The following JAKMIP3 variants were observed in gnomAD, a reference collection of about 807,000 sequenced individuals.
The protein encoded by JAKMIP3 is Janus kinase and microtubule interacting protein 3, also known as janus kinase and microtubule-interacting protein 3.
In JAKMIP3, 58 loss-of-function variants were observed where a neutral mutation model predicts 118.5. The ratio of observed to expected loss-of-function variants is 0.49; its 90% CI spans 0.40 to 0.61. JAKMIP3 has a LOEUF of 0.61. Ranked by LOEUF, JAKMIP3 falls within the 20% of genes least tolerant of loss-of-function variation. JAKMIP3 has a pLI of 0.00. For synonymous variants in JAKMIP3, 486 were observed against 451.2 expected (o/e 1.08, Z -0.98); for missense variants, 950 against 1,109.0 (o/e 0.86, Z 2.04).
At chr10:132,148,206 C>T (rs966198904) in intron 14 of JAKMIP3, among the ~76,000 whole-genome samples, 156 bp downstream of exon 14, 7 of 152,182 alleles carry the variant, frequency 4.6e-5, no homozygotes, top group East Asian at 1.9e-4. Context: ...GGCCGTAAAC[C>T]GCCACCTCTT....
rs1182681080 is a variant in JAKMIP3 at position 132,117,525 on chromosome 10, A to T, written c.584A>T (p.Glu195Val). Residue 195 changes from glutamate to valine, a missense_variant, in exon 3 of 24, where the codon GAG becomes GTG. By Grantham distance (121) the Glu-to-Val change is moderately radical. Coordinates refer to ENST00000684848, the MANE Select transcript of JAKMIP3 (RefSeq NM_001323087.2). This position sits in a 1 kb window ranked among gnomAD's most constrained non-coding sequence, Gnocchi z 8.6. ...CGCAGCGTGTACCACCTGCACCAGG[A>T]GGAGATCACCCGCATCAAGAAGGAG... ...EIRSVYHLHQ[E>V]EITRIKKECE... 1 of 1,597,724 alleles carries T rather than the reference A, an allele frequency of 6.3e-7. No homozygotes were observed. Among genetic ancestry groups the T allele is most frequent in the Non-Finnish European group, 8.5e-7 (1 of 1,172,270 alleles).
At chr10:132,151,488 C>A (rs2056196466) in intron 16 of JAKMIP3, among the ~76,000 whole-genome samples, 1 of 152,184 alleles carries the variant, frequency 6.6e-6, no homozygotes, top group Non-Finnish European at 1.5e-5. Flanking sequence ...GAGCTGGGGG[C>A]TCCACTGTGG....
chr10:132,065,656 A>C (rs1163862240), upstream of JAKMIP3, among the ~76,000 whole-genome samples: 1 of 152,058 alleles, frequency 6.6e-6, no homozygotes, highest in Middle Eastern at 3.2e-3. The surrounding 1 kb of genome is among the most constrained non-coding windows in gnomAD (Gnocchi z 5.6). Context: ...AATAGAGCCA[A>C]GCTGCCTTCA....
chr10:132,167,123 G>T (rs1390597725), intron 22 of JAKMIP3, 68 bp downstream of exon 22: 1 of 1,106,152 alleles, frequency 9.0e-7, no homozygotes, highest in African/African-American at 1.6e-5. Flanking sequence ...CTCTGCCCCT[G>T]CCCTGCCAGG....
rs544281174 is a variant in JAKMIP3, at chr10:132,132,464, G to A, written c.634-848G>A. Reference sequence around the variant, plus strand: ...CTGGCACATTCCTGCCCGGAAGCGGGGCGGGGTACTTGCAGGCAGCGGCTG... The same window carrying A: ...CTGGCACATTCCTGCCCGGAAGCGGAGCGGGGTACTTGCAGGCAGCGGCTG... On this transcript the variant is annotated intron_variant, in intron 3 of 23. Transcript: ENST00000684848. Among the ~76,000 whole-genome samples, 3 of 152,306 alleles carry A rather than the reference G, an allele frequency of 2.0e-5. No individual in the cohort carries two copies. In the East Asian group the frequency reaches 5.8e-4, roughly 29 times the overall value.
chr10:132,166,922 C>A, intron 21 of JAKMIP3, 61 bp from the exon 22 acceptor site: 1 of 1,248,874 alleles, frequency 8.0e-7, no homozygotes, highest in Non-Finnish European at 1.1e-6. Context: ...GCCAGAAGCA[C>A]TACAAACTCT....
chr10:132,167,896 T>A, intron 22 of JAKMIP3, 57 bp from the exon 23 acceptor site: 2 of 1,224,720 alleles, frequency 1.6e-6, no homozygotes, highest in Non-Finnish European at 2.1e-6. Flanking sequence ...CCCTCGCCCC[T>A]CACTCCAGCC....
At chr10:132,134,602 G>A (rs750269912) in intron 4 of JAKMIP3, among the ~76,000 whole-genome samples, 6 of 152,252 alleles carry the variant, frequency 3.9e-5, no homozygotes, top group African/African-American at 1.4e-4. Flanking sequence ...GAGAAATGCC[G>A]CCCCGTGGGG....
chr10:132,079,252 C>T (rs937685994), intron 1 of JAKMIP3, among the ~76,000 whole-genome samples: 3 of 147,470 alleles, frequency 2.0e-5, no homozygotes, highest in African/African-American at 7.7e-5. Flanking sequence ...GACAAATTCA[C>T]ATAGAGTTCC....
chr10:132,101,526 A>G (rs1037531402), intron 1 of JAKMIP3, among the ~76,000 whole-genome samples: 2 of 152,230 alleles, frequency 1.3e-5, no homozygotes, highest in Admixed American at 1.3e-4. Context: ...TTAAATAGCA[A>G]AACTATGGGA....
chr10:132,159,852 C>CGTG (rs1564982745), intron 19 of JAKMIP3, among the ~76,000 whole-genome samples: 44 of 65,550 alleles, frequency 6.7e-4, no homozygotes, highest in African/African-American at 2.4e-3. Context: ...GCTGGGGGGC[C>CGTG]TCTCCCTGTG....
chr10:132,068,003 G>A lies in JAKMIP3; in HGVS notation c.-138+1942G>A, dbSNP rs192641190. ...GCTTCCGTGTGGACTGTGGGCTTCT[G>A]TGTGGACTGGACTATGGGCTTCCGT... On this transcript the variant is annotated intron_variant, in intron 1 of 23. Coordinates refer to ENST00000684848, the MANE Select transcript of JAKMIP3 (RefSeq NM_001323087.2). Among the ~76,000 whole-genome samples the A allele has an allele frequency of 1.5e-3, 224 of 147,824 alleles. 1 individual carries two copies. The highest frequency in any genetic ancestry group is 2.2e-3 in the Non-Finnish European group (145 of 67,270).
At position 132,133,294 on chromosome 10, in the gene JAKMIP3, G is replaced by T. The variant is rs945019867; in HGVS notation, c.634-18G>T. ...CGTGTCCTGCCGCCTGTGTGATTGT[G>T]TTCTGTTCTCCTTGTAGATGGAGGA... On this transcript the variant is annotated intron_variant, in intron 3 of 23. Transcript: ENST00000684848. 1 of 1,553,750 alleles carries T rather than the reference G, an allele frequency of 6.4e-7. No individual in the cohort carries two copies.
At chr10:132,158,338 A>G (rs2057340731) in intron 19 of JAKMIP3, among the ~76,000 whole-genome samples, 1 of 152,146 alleles carries the variant, frequency 6.6e-6, no homozygotes, top group Non-Finnish European at 1.5e-5. Context: ...AGCAACTGCC[A>G]CCATGGTCCT....
chr10:132,045,429 C>T (rs2037879709), intron 1 of JAKMIP3, among the ~76,000 whole-genome samples: 1 of 152,130 alleles, frequency 6.6e-6, no homozygotes, highest in African/African-American at 2.4e-5. Flanking sequence ...CCTCTACCCG[C>T]ACCTGGCACA....
intron 9 of JAKMIP3, 141 bp downstream of exon 9, chr10:132,138,319 G>T: frequency 1.4e-6 from 1 of 710,378 alleles, no homozygotes. Flanking sequence ...TGTGTGCCGA[G>T]GACCGCGCCC....
chr10:132,112,000 C>T (rs906735894), intron 2 of JAKMIP3, among the ~76,000 whole-genome samples: 9 of 151,590 alleles, frequency 5.9e-5, no homozygotes, highest in African/African-American at 1.9e-4. Flanking sequence ...CTCTGGGACA[C>T]GGGGGAGAGG....
Position 132,118,363 on chromosome 10 carries a change from T to C in JAKMIP3, c.633+789T>C, listed in dbSNP as rs1160234178. ...GCCCCTTGTCCTTTGGAGAGGAGAC[T>C]GTCCTGTGATTTTGGGGGAAATGGA... On this transcript the variant is annotated intron_variant, in intron 3 of 23. Transcript: ENST00000684848. This position sits in a 1 kb window ranked among gnomAD's most constrained non-coding sequence, Gnocchi z 4.8. 1.3e-5 allele frequency among the ~76,000 whole-genome samples: 2 copies of C among 152,222 alleles called. No homozygotes were observed. Among genetic ancestry groups the C allele is most frequent in the African/African-American group, 4.8e-5 (2 of 41,452 alleles).
At chr10:132,157,278 C>T (rs956639413) in intron 19 of JAKMIP3, among the ~76,000 whole-genome samples, 7 of 152,056 alleles carry the variant, frequency 4.6e-5, no homozygotes, top group Non-Finnish European at 8.8e-5. Context: ...CCTGAGAAAC[C>T]CACCAGCTGC....
Sources: allele counts gnomAD v4.1 joint callset (sites outside exome capture counted in the v4.1 genomes callset), GRCh38; gene constraint gnomAD v4.1.1; non-coding constraint Gnocchi (gnomAD v3.1); transcripts MANE v1.5; gene names NCBI Gene and HGNC (gene_info 2026-07-23, HGNC 2026-07-21).